RELN: variants seen among roughly 807,000 people sequenced by gnomAD.
RELN encodes the protein reelin.
A neutral mutation model predicts 427.6 loss-of-function variants in RELN; 108 were observed. The ratio of observed to expected loss-of-function variants is 0.25; its 90% CI spans 0.22 to 0.30. The LOEUF is 0.30. Among genes scored for constraint, RELN ranks in the 10% least tolerant of loss-of-function variants. The probability of loss-of-function intolerance (pLI) is 1.00; values close to 1 mark genes in which losing one functional copy is unlikely to be tolerated. For synonymous variants in RELN, 1,524 were observed against 1,513.4 expected (o/e 1.01, Z -0.16); for missense variants, 3,715 against 4,302.8 (o/e 0.86, Z 3.82).
intron 6 of RELN, among the ~76,000 whole-genome samples, chr7:103,743,629 C>G (rs1450218253): frequency 3.3e-5 from 5 of 152,110 alleles, no homozygotes; most frequent in Admixed American, 6.5e-5. Flanking sequence ...TCAGAAAAAA[C>G]AGACTTTAAA....
intron 40 of RELN, among the ~76,000 whole-genome samples, chr7:103,552,121 C>G (rs1476879265): frequency 6.6e-6 from 1 of 152,178 alleles, no homozygotes; most frequent in Non-Finnish European, 1.5e-5. Context: ...TCCTCCCCAC[C>G]CTGGTATCCA....
At chr7:103,672,966 C>T (rs922458689) in intron 11 of RELN, among the ~76,000 whole-genome samples, 4 of 152,068 alleles carry the variant, frequency 2.6e-5, no homozygotes, top group Admixed American at 6.6e-5. Flanking sequence ...GCTTCTGTTA[C>T]ATTTGTCTGG....
chr7:103,886,176 G>C lies in RELN; in HGVS notation c.337+30899C>G, dbSNP rs562131150. On this transcript the variant is annotated intron_variant, in intron 2 of 64. Transcript: ENST00000428762. ...TAAACTTGTTTTTGTTATTCTTAAAGCCAAAATGAAATAGGCAAAAGGAAA... is the reference window on the plus strand; with the variant it reads ...TAAACTTGTTTTTGTTATTCTTAAACCCAAAATGAAATAGGCAAAAGGAAA... Among the ~76,000 whole-genome samples, 20 of 152,112 alleles carry C rather than the reference G, an allele frequency of 1.3e-4. 1 individual carries two copies. The South Asian group carries it at 4.1e-3, about 32-fold the overall frequency.
chr7:103,875,256 T>C (rs1372041143), intron 2 of RELN, among the ~76,000 whole-genome samples: 2 of 150,034 alleles, frequency 1.3e-5, no homozygotes, highest in Non-Finnish European at 3.0e-5. Flanking sequence ...ATAAAAACCC[T>C]AGAAGAAAAC....
intron 28 of RELN, among the ~76,000 whole-genome samples, chr7:103,586,820 A>T (rs533652601): frequency 6.6e-6 from 1 of 152,356 alleles, no homozygotes; most frequent in South Asian, 2.1e-4. Flanking sequence ...AATACATTTA[A>T]CCAAGGAGAT....
chr7:103,796,910 A>T (rs1163366514), intron 3 of RELN, among the ~76,000 whole-genome samples: 1 of 139,344 alleles, frequency 7.2e-6, no homozygotes, highest in African/African-American at 3.0e-5. Flanking sequence ...AAAGAAAAAG[A>T]AAAAGAAAAA....
chr7:103,870,953 A>ACC (rs1014566308), intron 2 of RELN, among the ~76,000 whole-genome samples: 65 of 152,168 alleles, frequency 4.3e-4, no homozygotes, highest in African/African-American at 1.4e-3. Context: ...TCTCAGCAGG[A>ACC]CCACTGTGCT....
intron 16 of RELN, among the ~76,000 whole-genome samples, chr7:103,641,574 C>T (rs1157296044): frequency 6.6e-6 from 1 of 152,154 alleles, no homozygotes; most frequent in Non-Finnish European, 1.5e-5. Flanking sequence ...ATTCTGGCTT[C>T]ACTCAGGAAA....
intron 19 of RELN, among the ~76,000 whole-genome samples, chr7:103,632,395 A>G (rs749688365): frequency 7.2e-5 from 11 of 152,246 alleles, no homozygotes; most frequent in Non-Finnish European, 1.2e-4. Context: ...CATAGTACGT[A>G]TTATCAGTAT....
chr7:103,914,223 T>C (rs1225650317), intron 2 of RELN, among the ~76,000 whole-genome samples: 1 of 152,170 alleles, frequency 6.6e-6, no homozygotes, highest in Non-Finnish European at 1.5e-5. Context: ...CAATATGATA[T>C]ATGCATTTTA....
intron 52 of RELN, among the ~76,000 whole-genome samples, chr7:103,501,682 G>GAT (rs1210676241): frequency 6.6e-6 from 1 of 152,176 alleles, no homozygotes; most frequent in Non-Finnish European, 1.5e-5. Context: ...GAACAATTAA[G>GAT]ATGTATGTAT....
chr7:103,853,581 T>C (rs1290225022), intron 2 of RELN, among the ~76,000 whole-genome samples: 3 of 152,020 alleles, frequency 2.0e-5, no homozygotes, highest in Admixed American at 2.0e-4. Context: ...AACAAATTTA[T>C]TTTTAAATTT....
rs749565108 is a variant in RELN at position 103,650,325 on chromosome 7, G to C, written c.1951C>G (p.Arg651Gly). The change falls in exon 16 of 65, where the codon CGC becomes GGC. Residue 651 changes from arginine (R) to glycine (G), a missense_variant. By Grantham distance (125) the Arg-to-Gly change is moderately radical. Coordinates refer to ENST00000428762, the MANE Select transcript of RELN (RefSeq NM_005045.4). ...NAALTRNTRI[R>G]WRQTGPILGN... Reference sequence around the variant, plus strand: ...AGGATTGGTCCTGTTTGTCTCCAGCGAATCCTGGTGTTCCGGGTTAGTGCT... The same window carrying C: ...AGGATTGGTCCTGTTTGTCTCCAGCCAATCCTGGTGTTCCGGGTTAGTGCT... 4 of 1,613,000 alleles carry C rather than the reference G, an allele frequency of 2.5e-6. No individual in the cohort carries two copies. Among genetic ancestry groups the C allele is most frequent in the Non-Finnish European group, 3.4e-6 (4 of 1,179,316 alleles).
chr7:103,635,072 G>A (rs892225502), intron 19 of RELN, among the ~76,000 whole-genome samples: 1 of 152,014 alleles, frequency 6.6e-6, no homozygotes, highest in Non-Finnish European at 1.5e-5. Context: ...TGTTGACCAG[G>A]ATGGTCTCAA....
At chr7:103,879,530 T>A (rs1387078809) in intron 2 of RELN, among the ~76,000 whole-genome samples, 1 of 152,208 alleles carries the variant, frequency 6.6e-6, no homozygotes, top group African/African-American at 2.4e-5. Context: ...AACATTTGTT[T>A]CACATTTATT....
At chr7:103,668,747 T>C (rs1484651070) in intron 11 of RELN, among the ~76,000 whole-genome samples, 1 of 152,228 alleles carries the variant, frequency 6.6e-6, no homozygotes, top group Non-Finnish European at 1.5e-5. Context: ...GGAGCCTCTC[T>C]TGACGCATAC....
Position 103,542,860 on chromosome 7 carries a change from C to T in RELN, c.6542G>A (p.Arg2181Lys), listed in dbSNP as rs1830203581. 1 of 1,614,004 alleles carries T rather than the reference C, an allele frequency of 6.2e-7. No individual in the cohort carries two copies. Among genetic ancestry groups the T allele is most frequent in the Non-Finnish European group, 8.5e-7 (1 of 1,180,032 alleles). Residue 2181 changes from arginine to lysine, a missense_variant, in exon 43 of 65, where the codon AGA becomes AAA. Around this residue, in one of 4 missense-constraint regions of RELN, gnomAD observed 1,310 missense variants for 1,643.0 expected, o/e 0.80. Coordinates refer to ENST00000428762, the MANE Select transcript of RELN (RefSeq NM_005045.4). ...DDFEGQLESDRFLLMSGGKPS... is the reference protein window; with the variant it reads ...DDFEGQLESDKFLLMSGGKPS... ...TTTCCCACCACTCATTAATAAGAAT[C>T]TATCAGATTCTAGCTGACCTGAAAA...
In RELN at chr7:103,640,944, AT is replaced by A. The variant is rs1288244469; in HGVS notation, c.2003-336del. Among the ~76,000 whole-genome samples, 2 of 152,208 alleles carry A rather than the reference AT, an allele frequency of 1.3e-5. No homozygotes were observed. Among genetic ancestry groups the A allele is most frequent in the East Asian group, 1.9e-4 (1 of 5,200 alleles). On this transcript the variant is annotated intron_variant, in intron 16 of 64. Coordinates refer to ENST00000428762, the MANE Select transcript of RELN (RefSeq NM_005045.4). The surrounding 1 kb of genome is among the most constrained non-coding windows in gnomAD (Gnocchi z 4.1). ...TTTATTTTCATTAGGTAGAAAAAAA[AT>A]ATTTAAAAAGGACCAATCTGATATA... is the stretch of plus-strand genomic sequence containing the variant.
intron 6 of RELN, among the ~76,000 whole-genome samples, chr7:103,747,360 A>G (rs1464346000): frequency 1.3e-5 from 2 of 151,356 alleles, no homozygotes; most frequent in Non-Finnish European, 2.9e-5. Context: ...ACATATATAT[A>G]TGTGTAACAA....
Sources: gnomAD v4.1 joint callset for allele counts (sites outside exome capture counted in the v4.1 genomes callset) on GRCh38, gnomAD v4.1.1 for gene constraint, gnomAD v4.1.1 regional missense constraint, Gnocchi (gnomAD v3.1) non-coding constraint, MANE v1.5 for transcripts, NCBI Gene and HGNC (gene_info 2026-07-23, HGNC 2026-07-21) for gene names.